CNTLN: variants seen among roughly 807,000 people sequenced by gnomAD.
CNTLN encodes the protein centlein, centrosomal protein.
A neutral mutation model predicts 180.0 loss-of-function variants in CNTLN; 212 were observed. That is an observed-to-expected ratio of 1.18 (90% CI 1.05 to 1.32). CNTLN has a LOEUF of 1.32. Among genes scored for constraint, CNTLN ranks in the 40% most tolerant of loss-of-function variants. The pLI, the probability that CNTLN is intolerant of heterozygous loss-of-function variation, is 0.00. For synonymous variants in CNTLN, 722 were observed against 563.1 expected (o/e 1.28, Z -3.99); for missense variants, 2,095 against 1,610.9 (o/e 1.30, Z -5.14).
chr9:17,462,406 C>G lies in CNTLN; in HGVS notation c.3307-510C>G, dbSNP rs1831508564. Among the ~76,000 whole-genome samples the G allele has an allele frequency of 4.0e-5, 6 of 151,674 alleles. 1 individual carries two copies. In the South Asian group the frequency reaches 1.2e-3, roughly 31 times the overall value. ...AGAGAGAAGCCACAAAGCTTTAAGGCCTGGGAACTGAAATTTACACAATTC... is the reference window on the plus strand; with the variant it reads ...AGAGAGAAGCCACAAAGCTTTAAGGGCTGGGAACTGAAATTTACACAATTC... On this transcript the variant is annotated intron_variant, in intron 19 of 25. Transcript: ENST00000380647.
chr9:17,336,516 A>G (rs946881629), intron 10 of CNTLN, among the ~76,000 whole-genome samples: 2 of 152,212 alleles, frequency 1.3e-5, no homozygotes, highest in Admixed American at 6.5e-5. Context: ...GAATCTTTGG[A>G]TGAAACTGCA....
chr9:17,197,753 A>T (rs1307159573), intron 2 of CNTLN, among the ~76,000 whole-genome samples: 1 of 152,092 alleles, frequency 6.6e-6, no homozygotes, highest in African/African-American at 2.4e-5. Context: ...GATCCCATGT[A>T]TCCATTTTTG....
At chr9:17,139,963 A>G (rs1817971827) in intron 1 of CNTLN, among the ~76,000 whole-genome samples, 1 of 152,124 alleles carries the variant, frequency 6.6e-6, no homozygotes, top group African/African-American at 2.4e-5. Flanking sequence ...TGTCCATCTC[A>G]GCCTTATAGG....
chr9:17,167,089 G>A, intron 2 of CNTLN: 1 of 198,108 alleles, frequency 5.0e-6, no homozygotes, highest in Non-Finnish European at 1.1e-5. Flanking sequence ...ATTTTAGAAA[G>A]GATTAGTGAT....
chr9:17,408,519 C>T (rs547211600), intron 15 of CNTLN, among the ~76,000 whole-genome samples: 16 of 151,920 alleles, frequency 1.1e-4, no homozygotes, highest in Admixed American at 5.2e-4. Context: ...TCCCTGGGCC[C>T]GGCTGGGTGC....
downstream of CNTLN, among the ~76,000 whole-genome samples, chr9:17,507,870 C>T (rs1365736588): frequency 6.6e-6 from 1 of 152,204 alleles, no homozygotes; most frequent in Admixed American, 6.5e-5. Context: ...GTTTTGACAT[C>T]AGCTCCTTCC....
chr9:17,199,727 T>A (rs1480135918), intron 2 of CNTLN, among the ~76,000 whole-genome samples: 2 of 152,182 alleles, frequency 1.3e-5, no homozygotes, highest in Non-Finnish European at 1.5e-5. Context: ...TCCTTGTAGA[T>A]GGTGGATATT....
At chr9:17,360,885 T>C (rs1474510299) in intron 12 of CNTLN, among the ~76,000 whole-genome samples, 1 of 152,284 alleles carries the variant, frequency 6.6e-6, no homozygotes, top group African/African-American at 2.4e-5. Flanking sequence ...AAAAGAATAT[T>C]TGTTTTGCTG....
intron 2 of CNTLN, among the ~76,000 whole-genome samples, chr9:17,161,376 C>G (rs954526566): frequency 1.3e-5 from 2 of 152,054 alleles, no homozygotes; most frequent in African/African-American, 2.4e-5. Flanking sequence ...TATATAAACT[C>G]TCACTTTAGA....
At chr9:17,313,257 C>G (rs948270423) in intron 8 of CNTLN, among the ~76,000 whole-genome samples, 2 of 152,106 alleles carry the variant, frequency 1.3e-5, no homozygotes, top group Non-Finnish European at 2.9e-5. Context: ...TCCATTCTGA[C>G]AATTTCTTCC....
chr9:17,358,672 C>A (rs778239689), intron 12 of CNTLN, among the ~76,000 whole-genome samples: 1 of 151,970 alleles, frequency 6.6e-6, no homozygotes, highest in Non-Finnish European at 1.5e-5. Flanking sequence ...ATGCTTTCTA[C>A]TTTTTAAAGT....
intron 5 of CNTLN, among the ~76,000 whole-genome samples, chr9:17,267,663 C>A (rs752000636): frequency 6.6e-6 from 1 of 152,182 alleles, no homozygotes; most frequent in African/African-American, 2.4e-5. Flanking sequence ...CTCCCCGACA[C>A]TTTCAGGTAC....
At chr9:17,482,428 A>G (rs965393738) in intron 23 of CNTLN, among the ~76,000 whole-genome samples, 2 of 152,190 alleles carry the variant, frequency 1.3e-5, no homozygotes, top group African/African-American at 4.8e-5. Flanking sequence ...CTTTAAAACA[A>G]TCCTTTGAAA....
At position 17,428,077 on chromosome 9, in the gene CNTLN, T is replaced by G. The variant is rs146047106; in HGVS notation, c.3114+11888T>G. ...AATTAGGGATAAAGGGAGAGAATGG[T>G]TGGTTTTAGATCACCCTTGTTCAAG... On this transcript the variant is annotated intron_variant, in intron 18 of 25. Transcript: ENST00000380647. 6.8e-3 allele frequency among the ~76,000 whole-genome samples: 1,029 copies of G among 152,244 alleles called. 12 individuals are homozygous for G. The highest frequency in any genetic ancestry group is 0.023 in the African/African-American group (971 of 41,544).
chr9:17,268,552 TA>T (rs1827682362), intron 5 of CNTLN, among the ~76,000 whole-genome samples: 1 of 152,158 alleles, frequency 6.6e-6, no homozygotes, highest in Non-Finnish European at 1.5e-5. Context: ...CGAGAACCAC[TA>T]CTCTCTTCAA....
rs7858471 is a variant in CNTLN at position 17,442,182 on chromosome 9, T to C, written c.3115-15342T>C. Among the ~76,000 whole-genome samples the C allele has an allele frequency of 8.4e-3, 1,274 of 152,312 alleles. 13 individuals are homozygous for C. Among genetic ancestry groups the C allele is most frequent in the African/African-American group, 0.028 (1,170 of 41,562 alleles). Reference sequence around the variant, plus strand: ...GTGGACCAATTGAACCTAACAGATATGTAGAGAATACTCTACCCAACAACA... The same window carrying C: ...GTGGACCAATTGAACCTAACAGATACGTAGAGAATACTCTACCCAACAACA... On this transcript the variant is annotated intron_variant, in intron 18 of 25. Transcript: ENST00000380647.
chr9:17,402,090 C>G (rs1425923919), intron 15 of CNTLN, among the ~76,000 whole-genome samples: 1 of 151,776 alleles, frequency 6.6e-6, no homozygotes, highest in Admixed American at 6.6e-5. Context: ...GAATGCCTGA[C>G]AAGCATGACA....
At chr9:17,249,345 G>GTTTTTTTTTTTTTTTTT (rs558059269) in intron 5 of CNTLN, among the ~76,000 whole-genome samples, 1 of 124,912 alleles carries the variant, frequency 8.0e-6, no homozygotes, top group African/African-American at 3.4e-5. Flanking sequence ...TTCTTTGATT[G>GTTTTTTTTTTTTTTTTT]TTTTTTTTGT....
intron 8 of CNTLN, among the ~76,000 whole-genome samples, chr9:17,326,233 A>G (rs1251310039): frequency 1.3e-5 from 2 of 152,110 alleles, no homozygotes; most frequent in Non-Finnish European, 2.9e-5. Context: ...GATTAATTAT[A>G]GTATAGCACT....
Sources: gnomAD v4.1 joint callset for allele counts (sites outside exome capture counted in the v4.1 genomes callset) on GRCh38, gnomAD v4.1.1 for gene constraint, MANE v1.5 for transcripts, NCBI Gene and HGNC (gene_info 2026-07-23, HGNC 2026-07-21) for gene names.